CHRNA7: variants seen among roughly 807,000 people sequenced by gnomAD.
The protein encoded by CHRNA7 is cholinergic receptor nicotinic alpha 7 subunit.
In CHRNA7, 17 loss-of-function variants were observed where a neutral mutation model predicts 48.0. That is an observed-to-expected ratio of 0.35 (90% CI 0.24 to 0.53). The LOEUF is 0.53. CHRNA7 is among the 20% of genes least tolerant of loss of function. The pLI is 0.92. For synonymous variants in CHRNA7, 75 were observed against 242.3 expected (o/e 0.31, Z 6.41); for missense variants, 155 against 577.7 (o/e 0.27, Z 7.50).
chr15:32,073,431 A>G (rs572802124), intron 2 of CHRNA7, among the ~76,000 whole-genome samples: 21 of 152,326 alleles, frequency 1.4e-4, no homozygotes, highest in African/African-American at 4.3e-4. Context: ...TGAGCCTTAG[A>G]TGAAACTTTG....
rs150385565 is a variant in CHRNA7, at chr15:32,078,401, G to A, written c.196-22902G>A. ...TTTTGAGTTAATTTTTGTGAAGGAT[G>A]TAAGGTTGTATCTACATTTATTTTT... is the stretch of plus-strand genomic sequence containing the variant. On this transcript the variant is annotated intron_variant, in intron 2 of 9. Transcript: ENST00000306901. Among the ~76,000 whole-genome samples, 538 of 152,214 alleles carry A rather than the reference G, an allele frequency of 3.5e-3. 4 individuals carry two copies. The highest frequency in any genetic ancestry group is 0.012 in the African/African-American group (506 of 41,548).
At chr15:32,036,953 ATTCT>A (rs1473285572) in intron 2 of CHRNA7, among the ~76,000 whole-genome samples, 7 of 152,036 alleles carry the variant, frequency 4.6e-5, no homozygotes, top group African/African-American at 1.7e-4. Flanking sequence ...CATCTTTTCA[ATTCT>A]TTCTTTTATG....
chr15:32,087,621 C>T (rs1467104374), intron 2 of CHRNA7, among the ~76,000 whole-genome samples: 9 of 152,264 alleles, frequency 5.9e-5, no homozygotes, highest in South Asian at 2.1e-4. Context: ...TTAAGCTAAA[C>T]GTGAATTCAT....
rs145038886 is a variant in CHRNA7, at chr15:32,089,551, T to C, written c.196-11752T>C. On this transcript the variant is annotated intron_variant, in intron 2 of 9. Transcript: ENST00000306901. Reference sequence around the variant, plus strand: ...ACTGGTTTTGATTTCTAGTATTTCCTTGCAATTCTTTCTGAGAGTTTCTGC... The same window carrying C: ...ACTGGTTTTGATTTCTAGTATTTCCCTGCAATTCTTTCTGAGAGTTTCTGC... 7.8e-3 allele frequency among the ~76,000 whole-genome samples: 569 copies of C among 73,084 alleles called. 4 individuals carry two copies. Among genetic ancestry groups the C allele is most frequent in the African/African-American group, 0.029 (535 of 18,564 alleles). 47.9% of individuals were successfully genotyped at this position (73,084 alleles called of 152,430 possible). A position where few individuals can be genotyped will look rare whatever the true frequency, so the allele number is the denominator to read the frequency against.
rs2051280777 is a variant in CHRNA7, at chr15:32,137,050, A to AAG, written c.351-16856_351-16855insGA. 1.3e-5 allele frequency among the ~76,000 whole-genome samples: 2 copies of AAG among 149,768 alleles called. 1 individual carries two copies. The highest frequency in any genetic ancestry group is 1.3e-4 in the Admixed American group (2 of 15,088). ...CCGTCTCAAAAAAAAAAAAAAAGAA[A>AAG]AAAAAAAGAAAACAGGAGAAACCTA... On this transcript the variant is annotated intron_variant, in intron 4 of 9. Coordinates refer to ENST00000306901, the MANE Select transcript of CHRNA7 (RefSeq NM_000746.6).
chr15:32,108,798 T>C (rs533143468), intron 3 of CHRNA7, among the ~76,000 whole-genome samples: 1 of 152,344 alleles, frequency 6.6e-6, no homozygotes, highest in South Asian at 2.1e-4. Context: ...GCCAGGGCCA[T>C]ATGACTTTAA....
intron 2 of CHRNA7, among the ~76,000 whole-genome samples, chr15:32,047,882 GGTT>G (rs2141181794): frequency 6.6e-6 from 1 of 152,140 alleles, no homozygotes; most frequent in South Asian, 2.1e-4. Context: ...TAGCATGAAG[GGTT>G]GTTGAATTTT....
chr15:32,053,655 A>G (rs1057071856), intron 2 of CHRNA7, among the ~76,000 whole-genome samples: 3 of 152,232 alleles, frequency 2.0e-5, no homozygotes, highest in Non-Finnish European at 4.4e-5. Flanking sequence ...TACTATGCTA[A>G]TTAAGTTTCC....
chr15:32,100,811 G>A (rs1156957796), intron 2 of CHRNA7: 2 of 157,282 alleles, frequency 1.3e-5, no homozygotes, highest in African/African-American at 4.8e-5. Flanking sequence ...TGGCCCTCAT[G>A]GCACCACTCA....
At chr15:32,117,049 C>T (rs2050884594) in intron 4 of CHRNA7, among the ~76,000 whole-genome samples, 1 of 152,142 alleles carries the variant, frequency 6.6e-6, no homozygotes, top group East Asian at 1.9e-4. Context: ...CTTAGGGAAC[C>T]TGGGGGAGCC....
chr15:32,077,960 C>T (rs1049559350), intron 2 of CHRNA7, among the ~76,000 whole-genome samples: 6 of 152,196 alleles, frequency 3.9e-5, no homozygotes, highest in African/African-American at 1.4e-4. Flanking sequence ...GTGACCCAAA[C>T]ACTTCCCCTT....
rs192886877 is a variant in CHRNA7, at chr15:32,096,489, A to G, written c.196-4814A>G. Among the ~76,000 whole-genome samples, 11 of 152,328 alleles carry G rather than the reference A, an allele frequency of 7.2e-5. No homozygotes were observed. The East Asian group carries it at 1.9e-3, about 27-fold the overall frequency. On this transcript the variant is annotated intron_variant, in intron 2 of 9. Transcript: ENST00000306901. ...GGTTGGTGTAAAGATTAAATTAGAT[A>G]AAAGAAGTCACCGTTTATAAACTTT...
chr15:32,159,002 T>TA (rs777515467), intron 7 of CHRNA7: 42 of 244,390 alleles, frequency 1.7e-4, no homozygotes, highest in Non-Finnish European at 2.3e-4. Context: ...GTGTAATTCT[T>TA]ACGATCACTC....
chr15:32,041,807 CTTTATT>C (rs2049454730), intron 2 of CHRNA7, among the ~76,000 whole-genome samples: 1 of 152,126 alleles, frequency 6.6e-6, no homozygotes. Flanking sequence ...CAAATATATT[CTTTATT>C]TTTGTTACAT....
At chr15:32,136,613 A>G (rs1353452108) in intron 4 of CHRNA7, among the ~76,000 whole-genome samples, 1 of 152,184 alleles carries the variant, frequency 6.6e-6, no homozygotes, top group Non-Finnish European at 1.5e-5. Context: ...CTGGAAGGCC[A>G]TGGAGACGTC....
rs984195667 is a variant in CHRNA7 at position 32,030,546 on chromosome 15, A to G, written c.-49A>G. The stretch of plus-strand genomic sequence containing the variant: ...GTGGCCGCAGGCGCAGGCCCGGGCG[A>G]CAGCCGAGACGTGGAGCGCGCCGGC... On this transcript the variant is annotated 5_prime_UTR_variant, in exon 1 of 10. Coordinates refer to ENST00000306901, the MANE Select transcript of CHRNA7 (RefSeq NM_000746.6). 7.8e-6 allele frequency: 11 copies of G among 1,417,528 alleles called. No homozygotes were observed. Among genetic ancestry groups the G allele is most frequent in the African/African-American group, 6.0e-5 (4 of 66,772 alleles). The allele number at this position is 1,417,528 out of a possible 1,614,324, so 87.8% of individuals were successfully genotyped here. A position where few individuals can be genotyped will look rare whatever the true frequency, so the allele number is the denominator to read the frequency against.
intron 2 of CHRNA7, among the ~76,000 whole-genome samples, chr15:32,041,244 T>C (rs972743022): frequency 6.6e-6 from 1 of 152,334 alleles, no homozygotes; most frequent in African/African-American, 2.4e-5. Context: ...CAAATACTTC[T>C]GTTCCTTTCT....
intron 2 of CHRNA7, among the ~76,000 whole-genome samples, chr15:32,048,902 T>G (rs936891671): frequency 5.9e-5 from 9 of 151,750 alleles, no homozygotes; most frequent in Non-Finnish European, 1.0e-4. Context: ...AGAACATCTT[T>G]ATTTCTGCCT....
intron 4 of CHRNA7, among the ~76,000 whole-genome samples, chr15:32,122,593 AGTTT>A (rs1258898584): frequency 6.6e-5 from 10 of 152,056 alleles, no homozygotes; most frequent in Admixed American, 6.5e-4. Context: ...TCTACTAAAT[AGTTT>A]GTTTTTTATT....
Sources: gnomAD v4.1 joint callset for allele counts (sites outside exome capture counted in the v4.1 genomes callset) on GRCh38, gnomAD v4.1.1 for gene constraint, MANE v1.5 for transcripts, NCBI Gene and HGNC (gene_info 2026-07-23, HGNC 2026-07-21) for gene names.